Variants in IL36B observed in about 807,000 individuals in gnomAD.
IL36B encodes interleukin-36 beta.
In IL36B, 23 loss-of-function variants were observed where a neutral mutation model predicts 19.3. That is an observed-to-expected ratio of 1.19 (90% CI 0.86 to 1.69). IL36B has a LOEUF of 1.69. IL36B is among the 40% of genes most tolerant of loss of function. IL36B has a pLI of 0.00. For synonymous variants in IL36B, 59 were observed against 59.7 expected (o/e 0.99, Z 0.05); for missense variants, 217 against 200.5 (o/e 1.08, Z -0.50).
At chr2:113,032,054 A>G (rs558344178) in intron 1 of IL36B, among the ~76,000 whole-genome samples, 1 of 152,148 alleles carries the variant, frequency 6.6e-6, no homozygotes, top group East Asian at 1.9e-4. Flanking sequence ...AGGTTCCAAC[A>G]CATCACCACG....
At chr2:113,029,692 A>G (rs191471844) in intron 3 of IL36B, among the ~76,000 whole-genome samples, 12 of 152,342 alleles carry the variant, frequency 7.9e-5, no homozygotes, top group African/African-American at 2.2e-4. Flanking sequence ...GAGGACCTCA[A>G]GAGGACACGG....
intron 4 of IL36B, chr2:113,027,802 G>A (rs1166855082): frequency 1.4e-5 from 21 of 1,518,512 alleles, no homozygotes; most frequent in Non-Finnish European, 1.8e-5. Context: ...CTATGGATGG[G>A]CTGAACTGCT....
At chr2:113,033,304 T>C (rs1685112231) in intron 1 of IL36B, among the ~76,000 whole-genome samples, 2 of 152,216 alleles carry the variant, frequency 1.3e-5, no homozygotes, top group South Asian at 4.1e-4. Context: ...CGATCTCGGC[T>C]CATGGAAACT....
At chr2:113,051,948 T>C (rs1573381323) in intron 1 of IL36B, among the ~76,000 whole-genome samples, 1 of 148,900 alleles carries the variant, frequency 6.7e-6, no homozygotes, top group African/African-American at 2.5e-5. Flanking sequence ...TCTCTCCCTC[T>C]CTCCTTTTTT....
At position 113,026,166 on chromosome 2, in the gene IL36B, T is replaced by G. The variant is rs138440701; in HGVS notation, c.328A>C (p.Ile110Leu). Residue 110 changes from isoleucine (I) to leucine (L), a missense_variant, in exon 5 of 6, where the codon ATA (isoleucine) becomes CTA (leucine). Ile to Leu is a conservative substitution (Grantham distance 5). Coordinates refer to ENST00000259213, the MANE Select transcript of IL36B (RefSeq NM_014438.5). Reference sequence around the variant, plus strand: ...CAGCTCTCTCTCACATCCAGGTTTATGCATGTGTGAATTCCAACTAGTTTC... The same window carrying G: ...CAGCTCTCTCTCACATCCAGGTTTAGGCATGTGTGAATTCCAACTAGTTTC... The G allele has an allele frequency of 6.2e-7, 1 of 1,613,972 alleles. No homozygotes were observed. Among genetic ancestry groups the G allele is most frequent in the Non-Finnish European group, 8.5e-7 (1 of 1,179,856 alleles).
rs113819754 is a variant in IL36B at position 113,039,096 on chromosome 2, C to A, written c.-57-7330G>T. 8.6e-4 allele frequency among the ~76,000 whole-genome samples: 131 copies of A among 152,298 alleles called. 1 individual carries two copies. The highest frequency in any genetic ancestry group is 3.1e-3 in the African/African-American group (130 of 41,562). ...TGGATTTCTGCATCCAGCCTCCTCTCTCTAGATTGGGATATCAGCATAGTC... is the reference window on the plus strand; with the variant it reads ...TGGATTTCTGCATCCAGCCTCCTCTATCTAGATTGGGATATCAGCATAGTC... On this transcript the variant is annotated intron_variant, in intron 1 of 5. Transcript: ENST00000259213.
In IL36B at chr2:113,026,138, A is replaced by G. The variant is rs779920005; in HGVS notation, c.356T>C (p.Phe119Ser). The change falls in exon 5 of 6, where the codon TTC becomes TCC. Residue 119 changes from phenylalanine to serine, a missense_variant. Transcript: ENST00000259213. ...TCCCCATTGGTCAAGGGTTCCCATG[A>G]AGCAGCTCTCTCTCACATCCAGGTT... 2 of 1,613,928 alleles carry G rather than the reference A, an allele frequency of 1.2e-6. No homozygotes were observed. The highest frequency in any genetic ancestry group is 1.1e-5 in the South Asian group (1 of 91,076).
intron 1 of IL36B, among the ~76,000 whole-genome samples, chr2:113,044,044 G>A (rs1020333809): frequency 1.3e-5 from 2 of 152,116 alleles, no homozygotes; most frequent in Non-Finnish European, 2.9e-5. Context: ...GGATCTACAG[G>A]TCAAGTTGGG....
At position 113,035,828 on chromosome 2, in the gene IL36B, T is replaced by A. The variant is rs72944577; in HGVS notation, c.-57-4062A>T. On this transcript the variant is annotated intron_variant, in intron 1 of 5. Transcript: ENST00000259213. ...GAAGCTGTGTCTCTGACATAGACAA[T>A]GCCTTTCCTGACTGATCAGAGGATT... Among the ~76,000 whole-genome samples the A allele has an allele frequency of 3.7e-3, 558 of 152,282 alleles. 4 individuals are homozygous for A. The highest frequency in any genetic ancestry group is 0.013 in the African/African-American group (527 of 41,562).
At chr2:113,046,543 A>T (rs552220720) in intron 1 of IL36B, among the ~76,000 whole-genome samples, 2 of 151,768 alleles carry the variant, frequency 1.3e-5, no homozygotes, top group African/African-American at 4.8e-5. Context: ...TTTTTGTTCC[A>T]CCATTCCATC....
intron 1 of IL36B, among the ~76,000 whole-genome samples, chr2:113,050,273 T>C (rs1000489940): frequency 6.6e-6 from 1 of 152,058 alleles, no homozygotes; most frequent in Non-Finnish European, 1.5e-5. Context: ...TTAAAAGGAA[T>C]GAAGTTCTGA....
intron 1 of IL36B, among the ~76,000 whole-genome samples, chr2:113,051,732 G>C (rs1685450449): frequency 6.6e-6 from 1 of 152,280 alleles, no homozygotes; most frequent in East Asian, 1.9e-4. Context: ...GATGCAGCTG[G>C]AGGTCCCCTT....
chr2:113,036,155 A>G (rs1235473102), intron 1 of IL36B, among the ~76,000 whole-genome samples: 1 of 152,096 alleles, frequency 6.6e-6, no homozygotes, highest in Non-Finnish European at 1.5e-5. Context: ...CATGTTGGCC[A>G]GCCTGGTCTT....
intron 1 of IL36B, among the ~76,000 whole-genome samples, chr2:113,037,983 G>A (rs534477353): frequency 4.6e-5 from 7 of 152,272 alleles, no homozygotes; most frequent in Admixed American, 4.6e-4. Flanking sequence ...TTCACAATTA[G>A]GGCAGATCTG....
intron 4 of IL36B, among the ~76,000 whole-genome samples, chr2:113,026,631 T>C (rs547427491): frequency 7.2e-5 from 11 of 152,312 alleles, no homozygotes; most frequent in Non-Finnish European, 1.3e-4. Flanking sequence ...ATTACAAACT[T>C]TAATTAAAAT....
At position 113,022,647 on chromosome 2, in the gene IL36B, G is replaced by C; in HGVS notation, c.*27C>G. 7.3e-7 allele frequency: 1 copy of C among 1,361,464 alleles called. No individual in the cohort carries two copies. The highest frequency in any genetic ancestry group is 1.1e-6 in the Non-Finnish European group (1 of 950,224). 84.3% of individuals were successfully genotyped at this position (1,361,464 alleles called of 1,614,324 possible). Reference sequence around the variant, plus strand: ...ATAGCAAACCCACTCAAAGATTGTAGAGATGGGAATCTTCCTCCCCTTATT... The same window carrying C: ...ATAGCAAACCCACTCAAAGATTGTACAGATGGGAATCTTCCTCCCCTTATT... On this transcript the variant is annotated 3_prime_UTR_variant, in exon 6 of 6. Transcript: ENST00000259213.
chr2:113,051,024 G>A (rs567659319), intron 1 of IL36B, among the ~76,000 whole-genome samples: 6 of 151,920 alleles, frequency 3.9e-5, no homozygotes, highest in African/African-American at 1.2e-4. Context: ...ATCGGAGGCC[G>A]TGCCTCTCAG....
chr2:113,050,783 C>G (rs1411900527), intron 1 of IL36B, among the ~76,000 whole-genome samples: 1 of 152,226 alleles, frequency 6.6e-6, no homozygotes, highest in Non-Finnish European at 1.5e-5. Context: ...CCACACATCA[C>G]TGAGAAAGCC....
rs1352337486 is a variant in IL36B at position 113,031,645 on chromosome 2, T to C, written c.13+52A>G. On this transcript the variant is annotated intron_variant, in intron 2 of 5. Transcript: ENST00000259213. ...AGGGGTCCTTCCATCCTATTGTCTT[T>C]GATGAGGTCAGATGGAGATATTTCC... 3.3e-6 allele frequency: 5 copies of C among 1,507,354 alleles called. No homozygotes were observed. The East Asian group carries it at 6.8e-5, about 20-fold the overall frequency. The allele number at this position is 1,507,354 out of a possible 1,614,324, so 93.4% of individuals were successfully genotyped here.
Sources: gnomAD v4.1 joint callset for allele counts (sites outside exome capture counted in the v4.1 genomes callset) on GRCh38, gnomAD v4.1.1 for gene constraint, MANE v1.5 for transcripts, NCBI Gene and HGNC (gene_info 2026-07-23, HGNC 2026-07-21) for gene names.